The following SEC14L1 variants were observed in gnomAD, a reference collection of about 807,000 sequenced individuals.
The protein encoded by SEC14L1 is SEC14-like protein 1.
A neutral mutation model predicts 85.3 loss-of-function variants in SEC14L1; 48 were observed. The observed-to-expected ratio is 0.56, with a 90% CI of 0.45 to 0.72. SEC14L1 has a LOEUF of 0.72. Among genes scored for constraint, SEC14L1 ranks in the 30% least tolerant of loss-of-function variants. The probability of loss-of-function intolerance (pLI) is 0.00; values close to 1 mark genes in which losing one functional copy is unlikely to be tolerated. For missense variants in SEC14L1, 682 were observed against 921.4 expected, an observed-to-expected ratio of 0.74 and a Z score of 3.36; for synonymous variants, 391 against 355.5, an observed-to-expected ratio of 1.10 and a Z score of -1.12.
chr17:77,213,007 G>A lies in SEC14L1; in HGVS notation c.1864-307G>A, dbSNP rs931478862. On this transcript the variant is annotated intron_variant, in intron 15 of 16. Transcript: ENST00000436233. The surrounding 1 kb of genome is among the most constrained non-coding windows in gnomAD (Gnocchi z 7.1). ...CTGTGCTGAGCCCTCCCTCCAGCAT[G>A]GGTGCCACCAGCCTGCCAGGCTCCT... Among the ~76,000 whole-genome samples, 3 of 152,236 alleles carry A rather than the reference G, an allele frequency of 2.0e-5. No individual in the cohort carries two copies. Among genetic ancestry groups the A allele is most frequent in the Non-Finnish European group, 4.4e-5 (3 of 68,038 alleles).
At chr17:77,167,806 C>T (rs1683788364) in intron 3 of SEC14L1, among the ~76,000 whole-genome samples, 1 of 152,154 alleles carries the variant, frequency 6.6e-6, no homozygotes, top group South Asian at 2.1e-4. Context: ...TCCCTCTACC[C>T]AAAGGCAAGA....
intron 3 of SEC14L1, among the ~76,000 whole-genome samples, chr17:77,111,172 C>G (rs1048829625): frequency 7.2e-6 from 1 of 138,208 alleles, no homozygotes; most frequent in Admixed American, 7.9e-5. Context: ...GGTGACAGAG[C>G]GAGACTCTGT....
At chr17:77,162,014 C>T (rs1205456286) in intron 3 of SEC14L1, among the ~76,000 whole-genome samples, 1 of 151,300 alleles carries the variant, frequency 6.6e-6, no homozygotes, top group Non-Finnish European at 1.5e-5. Context: ...CTGCTACATA[C>T]AAATCCCCGA....
intron 3 of SEC14L1, among the ~76,000 whole-genome samples, chr17:77,170,984 TCTA>T (rs1454407636): frequency 6.6e-6 from 1 of 152,236 alleles, no homozygotes; most frequent in Admixed American, 6.5e-5. Flanking sequence ...GGTGAGATGA[TCTA>T]CTATTATTAA....
Position 77,159,564 on chromosome 17 carries a change from A to AGGGATGG in SEC14L1, c.63+15908_63+15914dup, listed in dbSNP as rs1973966517. On this transcript the variant is annotated intron_variant, in intron 3 of 16. Transcript: ENST00000436233. ...CCTAGCTAATTTTTGTATTTTTAGT[A>AGGGATGG]GGGATGGGGTTTCACCATATTGGCC... 3.3e-5 allele frequency among the ~76,000 whole-genome samples: 5 copies of AGGGATGG among 151,548 alleles called. No homozygotes were observed. The South Asian group carries it at 1.0e-3, about 32-fold the overall frequency.
At chr17:77,208,554 G>T (rs1403054411) in intron 13 of SEC14L1, among the ~76,000 whole-genome samples, 1 of 152,158 alleles carries the variant, frequency 6.6e-6, no homozygotes, top group African/African-American at 2.4e-5. Context: ...CCTCTCTCCT[G>T]AGCTGCTGTT....
At chr17:77,119,591 A>G (rs886101087) in intron 3 of SEC14L1, among the ~76,000 whole-genome samples, 2 of 152,176 alleles carry the variant, frequency 1.3e-5, no homozygotes. Context: ...TTATCCACCT[A>G]CAGGATCAAA....
intron 3 of SEC14L1, chr17:77,185,093 T>A (rs1319552904): frequency 8.2e-6 from 4 of 485,580 alleles, no homozygotes; most frequent in Non-Finnish European, 5.4e-6. Flanking sequence ...AGGACTTATC[T>A]TTTTATTGAG....
At chr17:77,135,710 A>T (rs1244283044) in intron 3 of SEC14L1, among the ~76,000 whole-genome samples, 4 of 150,578 alleles carry the variant, frequency 2.7e-5, no homozygotes, top group Non-Finnish European at 4.4e-5. Context: ...CTAATTTTTT[A>T]AAAATTGTTT....
rs1284431743 is a variant in SEC14L1 at position 77,216,007 on chromosome 17, G to A, written c.*1984G>A. On this transcript the variant is annotated 3_prime_UTR_variant, in exon 17 of 17. Coordinates refer to ENST00000436233, the MANE Select transcript of SEC14L1 (RefSeq NM_001143998.2). The stretch of plus-strand genomic sequence containing the variant: ...TAGGTAGGGCTAGTAGGTAGGGTTC[G>A]TAGGTAGGGTTCGTAGGTAGGGCTA... 5.0e-5 allele frequency: 47 copies of A among 933,122 alleles called. 5 individuals carry two copies. Among genetic ancestry groups the A allele is most frequent in the South Asian group, 1.0e-4 (2 of 19,364 alleles). The allele number at this position is 933,122 out of a possible 1,614,324, so 57.8% of individuals were successfully genotyped here.
chr17:77,163,637 C>G (rs906583393), intron 3 of SEC14L1, among the ~76,000 whole-genome samples: 1 of 152,208 alleles, frequency 6.6e-6, no homozygotes, highest in African/African-American at 2.4e-5. Flanking sequence ...GACGCTGTCA[C>G]CATGTTCTTC....
At chr17:77,099,682 G>C (rs1348396210) in intron 3 of SEC14L1, among the ~76,000 whole-genome samples, 1 of 152,144 alleles carries the variant, frequency 6.6e-6, no homozygotes, top group Non-Finnish European at 1.5e-5. Context: ...CTTGAACGTG[G>C]GAGGTGGAGG....
At chr17:77,182,670 C>T (rs1302889899) in intron 3 of SEC14L1, among the ~76,000 whole-genome samples, 2 of 152,058 alleles carry the variant, frequency 1.3e-5, no homozygotes, top group African/African-American at 2.4e-5. Context: ...AAATGTTGGG[C>T]GTGATTAGGA....
chr17:77,161,048 A>G (rs370301994), intron 3 of SEC14L1, among the ~76,000 whole-genome samples: 4 of 152,206 alleles, frequency 2.6e-5, no homozygotes, highest in African/African-American at 7.2e-5. Flanking sequence ...CCTCCTGTTC[A>G]GTTCCATATT....
chr17:77,216,586 A>C lies in SEC14L1; in HGVS notation c.*2563A>C, dbSNP rs1977112025. ...CTGACAGCTGCCAAGAAAATGCTTC[A>C]CTCAACAGTCCTCATGTGCCCAGAG... is the stretch of plus-strand genomic sequence containing the variant. On this transcript the variant is annotated 3_prime_UTR_variant, in exon 17 of 17. Transcript: ENST00000436233. 2 of 1,613,196 alleles carry C rather than the reference A, an allele frequency of 1.2e-6. No individual in the cohort carries two copies. Among genetic ancestry groups the C allele is most frequent in the Non-Finnish European group, 1.7e-6 (2 of 1,179,452 alleles).
chr17:77,204,972 C>T (rs1388193711), intron 10 of SEC14L1, among the ~76,000 whole-genome samples: 1 of 152,188 alleles, frequency 6.6e-6, no homozygotes, highest in African/African-American at 2.4e-5. Flanking sequence ...TTCCCATGCA[C>T]TTGTTCTGAA....
chr17:77,124,016 T>G (rs1972372065), intron 3 of SEC14L1, among the ~76,000 whole-genome samples: 1 of 152,250 alleles, frequency 6.6e-6, no homozygotes, highest in Non-Finnish European at 1.5e-5. Context: ...GATGGGTTCC[T>G]CTATGAAAGC....
intron 3 of SEC14L1, among the ~76,000 whole-genome samples, chr17:77,112,467 A>G (rs1217986858): frequency 6.6e-6 from 1 of 152,196 alleles, no homozygotes; most frequent in African/African-American, 2.4e-5. Context: ...TTGAAATGAG[A>G]AGAATGAAAT....
At chr17:77,184,008 A>T (rs1975158446) in intron 3 of SEC14L1, among the ~76,000 whole-genome samples, 1 of 151,838 alleles carries the variant, frequency 6.6e-6, no homozygotes, top group Non-Finnish European at 1.5e-5. Context: ...CGGGTCTCGA[A>T]CTCCTGACCT....
Sources: allele counts gnomAD v4.1 joint callset (sites outside exome capture counted in the v4.1 genomes callset), GRCh38; gene constraint gnomAD v4.1.1; non-coding constraint Gnocchi (gnomAD v3.1); transcripts MANE v1.5; gene names NCBI Gene and HGNC (gene_info 2026-07-23, HGNC 2026-07-21).